Variants in MICAL3 observed in about 807,000 individuals in gnomAD.
MICAL3 encodes [F-actin]-monooxygenase MICAL3.
Under a neutral mutation model 207.4 loss-of-function variants are expected in MICAL3, and 62 were observed. The ratio of observed to expected loss-of-function variants is 0.30; its 90% CI spans 0.24 to 0.37. The LOEUF (loss-of-function observed/expected upper bound fraction) is 0.37. MICAL3 is among the 10% of genes least tolerant of loss of function. The pLI is 1.00. For missense variants in MICAL3, 2,368 were observed against 2,635.6 expected (o/e 0.90, Z 2.22); for synonymous variants, 1,077 against 1,069.3 (o/e 1.01, Z -0.14).
rs1601975269 is a variant in MICAL3, at chr22:17,823,422, A to C, written c.3194-362T>G. Among the ~76,000 whole-genome samples the C allele has an allele frequency of 2.0e-5, 3 of 152,352 alleles. No individual in the cohort carries two copies. In the South Asian group the frequency reaches 6.2e-4, roughly 32 times the overall value. Reference sequence around the variant, plus strand: ...GCCTTGGCCCAGCAGCATCTGCCAAAGCCTGGCTGTGTGCTGACCGCCTCA... The same window carrying C: ...GCCTTGGCCCAGCAGCATCTGCCAACGCCTGGCTGTGTGCTGACCGCCTCA... On this transcript the variant is annotated intron_variant, in intron 22 of 31. Transcript: ENST00000441493.
intron 1 of MICAL3, among the ~76,000 whole-genome samples, chr22:17,985,156 G>A (rs1338610672): frequency 2.6e-5 from 4 of 152,196 alleles, no homozygotes; most frequent in Admixed American, 2.6e-4. Context: ...AGTGTTTCAG[G>A]GAGGGGGAGT....
chr22:17,963,657 C>T (rs1935019096), intron 1 of MICAL3, among the ~76,000 whole-genome samples: 1 of 152,152 alleles, frequency 6.6e-6, no homozygotes, highest in Admixed American at 6.5e-5. Flanking sequence ...CAACGTGCTC[C>T]ATAAGCCATA....
intron 1 of MICAL3, among the ~76,000 whole-genome samples, chr22:17,999,507 AG>A (rs1922685801): frequency 6.6e-6 from 1 of 152,222 alleles, no homozygotes; most frequent in Non-Finnish European, 1.5e-5. Context: ...CAAGGAAGAG[AG>A]GAAAAATTTA....
chr22:17,980,871 C>A (rs1470712873), intron 1 of MICAL3: 1 of 530,340 alleles, frequency 1.9e-6, no homozygotes. Flanking sequence ...TCAACTGCAC[C>A]CTCACTTCCG....
intron 1 of MICAL3, among the ~76,000 whole-genome samples, chr22:18,017,733 C>G (rs1212998349): frequency 1.3e-5 from 2 of 150,616 alleles, no homozygotes; most frequent in African/African-American, 4.9e-5. Flanking sequence ...TTACAGGTAC[C>G]CGCCACCACA....
At position 17,902,614 on chromosome 22, in the gene MICAL3, C is replaced by G. The variant is rs1337767923; in HGVS notation, c.589+17G>C. 6.8e-7 allele frequency: 1 copy of G among 1,473,998 alleles called. No individual in the cohort carries two copies. Among genetic ancestry groups the G allele is most frequent in the East Asian group, 2.3e-5 (1 of 43,274 alleles). The allele number at this position is 1,473,998 out of a possible 1,614,324, so 91.3% of individuals were successfully genotyped here. A position where few individuals can be genotyped will look rare whatever the true frequency, so the allele number is the denominator to read the frequency against. The stretch of plus-strand genomic sequence containing the variant: ...AACACCCTCTCACGCCTTCTTCACT[C>G]CTCCAGTATAACTTACGTTCATTCT... On this transcript the variant is annotated intron_variant, in intron 4 of 31. Transcript: ENST00000441493. This position sits in a 1 kb window ranked among gnomAD's most constrained non-coding sequence, Gnocchi z 4.5.
intron 1 of MICAL3, among the ~76,000 whole-genome samples, chr22:17,970,712 A>T (rs1398033456): frequency 6.6e-6 from 1 of 152,172 alleles, no homozygotes; most frequent in African/African-American, 2.4e-5. Context: ...GGGGTTGGTG[A>T]GAAAAGGTGC....
rs199950640 is a variant in MICAL3 at position 17,864,926 on chromosome 22, C to T, written c.2578G>A (p.Val860Met). The change falls in exon 19 of 32, where the codon GTG becomes ATG. Residue 860 changes from valine (V) to methionine (M), a missense_variant. Around this residue, in one of 4 missense-constraint regions of MICAL3, gnomAD observed 1,770 missense variants for 1,863.2 expected, o/e 0.95. Coordinates refer to ENST00000441493, the MANE Select transcript of MICAL3 (RefSeq NM_015241.3). ...GGGGTTCTCTCAGTGGAGCTGGCCA[C>T]GGCGTTGGCCCGTCCGTTTGCATCT... ...TTDANGRANA[V>M]ASSTERTPGS... The T allele has an allele frequency of 6.2e-4, 1,008 of 1,613,784 alleles. 2 individuals carry two copies. The highest frequency in any genetic ancestry group is 1.7e-3 in the Admixed American group (100 of 60,014).
Position 17,887,179 on chromosome 22 carries a change from TTGAC to T in MICAL3, c.2054_2057del (p.Ser685AsnfsTer19). ...CCCAAGTGAATCTCACCTCCTCTGA[TTGAC>T]TGGTCTTTCTCCTCTTCCCAGCACC... On this transcript the variant is annotated frameshift_variant, in exon 15 of 32. Transcript: ENST00000441493. LOFTEE classifies it high-confidence loss of function. The T allele has an allele frequency of 6.2e-7, 1 of 1,613,592 alleles. No individual in the cohort carries two copies. The highest frequency in any genetic ancestry group is 8.5e-7 in the Non-Finnish European group (1 of 1,179,652).
chr22:17,824,359 C>A (rs985601385), intron 22 of MICAL3, among the ~76,000 whole-genome samples: 5 of 152,148 alleles, frequency 3.3e-5, no homozygotes, highest in Non-Finnish European at 7.3e-5. Context: ...TGATGGCGCC[C>A]GGTTAGGTGG....
intron 1 of MICAL3, among the ~76,000 whole-genome samples, chr22:17,976,956 G>A (rs1008957177): frequency 1.3e-5 from 2 of 151,816 alleles, no homozygotes. Context: ...ACAGGCGCCC[G>A]CCACCATGCC....
chr22:17,928,940 G>A (rs1316688776), intron 1 of MICAL3, among the ~76,000 whole-genome samples: 5 of 151,970 alleles, frequency 3.3e-5, no homozygotes, highest in African/African-American at 4.8e-5. Context: ...GACTACAGGC[G>A]CCCGCCACCA....
intron 1 of MICAL3, among the ~76,000 whole-genome samples, chr22:17,994,530 C>CAG (rs780258737): frequency 8.5e-5 from 13 of 152,136 alleles, no homozygotes; most frequent in Non-Finnish European, 1.8e-4. Context: ...CTGGGCAACA[C>CAG]AGAGAGAGCT....
intron 1 of MICAL3, among the ~76,000 whole-genome samples, chr22:17,949,447 G>A (rs1934228868): frequency 6.6e-6 from 1 of 152,148 alleles, no homozygotes; most frequent in African/African-American, 2.4e-5. Context: ...CACACACAGT[G>A]AGCGACAAAG....
At chr22:17,910,806 G>A (rs1420170840) in intron 1 of MICAL3, among the ~76,000 whole-genome samples, 1 of 152,154 alleles carries the variant, frequency 6.6e-6, no homozygotes, top group Non-Finnish European at 1.5e-5. Flanking sequence ...AGCAGAGCAG[G>A]GCTATTTCTG....
chr22:17,904,494 T>C, intron 3 of MICAL3, 138 bp downstream of exon 3: 2 of 711,788 alleles, frequency 2.8e-6, no homozygotes, highest in Non-Finnish European at 5.0e-6. Context: ...TGAGTGCACT[T>C]ACTATAAGAA....
At chr22:17,990,705 G>A (rs1328740974) in intron 1 of MICAL3, among the ~76,000 whole-genome samples, 1 of 152,122 alleles carries the variant, frequency 6.6e-6, no homozygotes, top group Non-Finnish European at 1.5e-5. Flanking sequence ...GAGATCTCAG[G>A]CAAGTCATCT....
intron 1 of MICAL3, among the ~76,000 whole-genome samples, chr22:17,950,498 C>T (rs1310729300): frequency 6.6e-6 from 1 of 151,988 alleles, no homozygotes; most frequent in African/African-American, 2.4e-5. Flanking sequence ...CACCACCACA[C>T]CCAGCTAATT....
chr22:17,947,168 T>C (rs1244010760), intron 1 of MICAL3, among the ~76,000 whole-genome samples: 1 of 152,198 alleles, frequency 6.6e-6, no homozygotes, highest in African/African-American at 2.4e-5. Flanking sequence ...CCCCACTTCG[T>C]TCTCCCAGGC....
Sources: allele counts gnomAD v4.1 joint callset (sites outside exome capture counted in the v4.1 genomes callset), GRCh38; gene constraint gnomAD v4.1.1; regional missense constraint gnomAD v4.1.1; non-coding constraint Gnocchi (gnomAD v3.1); transcripts MANE v1.5; gene names NCBI Gene and HGNC (gene_info 2026-07-23, HGNC 2026-07-21).